The following MPP4 variants were observed in gnomAD, a reference collection of about 807,000 sequenced individuals.
MPP4 encodes the protein MAGUK p55 scaffold protein 4.
Under a neutral mutation model 98.3 loss-of-function variants are expected in MPP4, and 91 were observed. The observed-to-expected ratio is 0.93, with a 90% CI of 0.78 to 1.10. The LOEUF is 1.10. MPP4 is among the 50% of genes least tolerant of loss of function. The pLI, the probability that MPP4 is intolerant of heterozygous loss-of-function variation, is 0.00. For missense variants in MPP4, 744 were observed against 792.9 expected (o/e 0.94, Z 0.74); for synonymous variants, 261 against 271.8 (o/e 0.96, Z 0.39).
At chr2:201,647,588 G>A (rs1300557427) in intron 21 of MPP4, 103 bp downstream of exon 21, 8 of 1,276,532 alleles carry the variant, frequency 6.3e-6, no homozygotes, top group Non-Finnish European at 8.6e-6. Context: ...TCAAAAAGGA[G>A]GAGGAGGACA....
intron 1 of MPP4, among the ~76,000 whole-genome samples, chr2:201,696,386 G>A (rs1374132473): frequency 6.6e-6 from 1 of 152,162 alleles, no homozygotes; most frequent in African/African-American, 2.4e-5. Context: ...AATTGAAAAG[G>A]GAGATGGAGT....
intron 10 of MPP4, among the ~76,000 whole-genome samples, chr2:201,676,933 C>G (rs998111594): frequency 7.2e-5 from 11 of 152,162 alleles, no homozygotes; most frequent in Non-Finnish European, 1.5e-4. Flanking sequence ...AAGGCTTCTT[C>G]CCTTCCTTCT....
chr2:201,662,047 G>A (rs888031493), intron 14 of MPP4: 1 of 385,698 alleles, frequency 2.6e-6, no homozygotes, highest in Non-Finnish European at 5.0e-6. Flanking sequence ...AAATAATTTA[G>A]AAAAGTGGTT....
chr2:201,659,300 A>G (rs954596823), intron 15 of MPP4, among the ~76,000 whole-genome samples: 3 of 152,082 alleles, frequency 2.0e-5, no homozygotes, highest in African/African-American at 2.4e-5. Context: ...TTCATTCTAT[A>G]TAAGATAAGA....
At position 201,648,410 on chromosome 2, in the gene MPP4, G is replaced by A. The variant is rs376399862; in HGVS notation, c.1585-585C>T. Among the ~76,000 whole-genome samples the A allele has an allele frequency of 5.3e-5, 8 of 152,298 alleles. No individual in the cohort carries two copies. In the South Asian group the frequency reaches 6.2e-4, roughly 12 times the overall value. ...GACCAGAAATTAGCAATTATTTTTAGAGTATAGTCTCATGTACCCTCAACT... is the reference window on the plus strand; with the variant it reads ...GACCAGAAATTAGCAATTATTTTTAAAGTATAGTCTCATGTACCCTCAACT... On this transcript the variant is annotated intron_variant, in intron 20 of 21. Transcript: ENST00000409474.
intron 11 of MPP4, among the ~76,000 whole-genome samples, chr2:201,671,543 G>C (rs1261533964): frequency 6.6e-6 from 1 of 152,080 alleles, no homozygotes; most frequent in Non-Finnish European, 1.5e-5. Context: ...TCAAAATAAA[G>C]GGATGGAGGA....
At chr2:201,695,036 C>T (rs1385468577) in intron 1 of MPP4, among the ~76,000 whole-genome samples, 2 of 152,094 alleles carry the variant, frequency 1.3e-5, no homozygotes, top group Non-Finnish European at 2.9e-5. Context: ...AGTAGAAACC[C>T]AGAATAATTT....
At position 201,664,288 on chromosome 2, in the gene MPP4, A is replaced by G. The variant is rs909755624; in HGVS notation, c.1052-187T>C. The G allele has an allele frequency of 7.5e-6, 11 of 1,467,270 alleles. No homozygotes were observed. In the Admixed American group the frequency reaches 2.1e-4, roughly 28 times the overall value. The allele number at this position is 1,467,270 out of a possible 1,614,324, so 90.9% of individuals were successfully genotyped here. On this transcript the variant is annotated intron_variant, in intron 13 of 21. Coordinates refer to ENST00000409474, the MANE Select transcript of MPP4 (RefSeq NM_033066.3). ...CATATATCAGCTTTACATGAAACAC[A>G]TGGTATTCGGCAGTTGAGCCATGAT...
chr2:201,678,193 T>G (rs1688568419), intron 10 of MPP4, among the ~76,000 whole-genome samples: 1 of 152,076 alleles, frequency 6.6e-6, no homozygotes, highest in Admixed American at 6.5e-5. Flanking sequence ...ATAATTGGGT[T>G]TTGTGTGCTC....
chr2:201,677,302 C>CACTGCAAAGTCACGTGA (rs1688532374), intron 10 of MPP4, among the ~76,000 whole-genome samples: 7 of 152,150 alleles, frequency 4.6e-5, no homozygotes, highest in Non-Finnish European at 5.9e-5. Flanking sequence ...GCGAATGGGG[C>CACTGCAAAGTCACGTGA]CTCTCACTGG....
intron 3 of MPP4, among the ~76,000 whole-genome samples, chr2:201,692,523 A>C (rs1689061733): frequency 7.3e-6 from 1 of 136,104 alleles, no homozygotes; most frequent in Non-Finnish European, 1.6e-5. Flanking sequence ...CAGCCTGGGC[A>C]ACAGAGTGAG....
At chr2:201,670,670 T>TA (rs970688692) in intron 11 of MPP4, among the ~76,000 whole-genome samples, 1 of 151,128 alleles carries the variant, frequency 6.6e-6, no homozygotes, top group African/African-American at 2.4e-5. Context: ...AAGTTTGTTT[T>TA]AAAAAAAAAA....
intron 1 of MPP4, among the ~76,000 whole-genome samples, chr2:201,697,710 G>C (rs1177928059): frequency 6.6e-6 from 1 of 152,106 alleles, no homozygotes; most frequent in Admixed American, 6.6e-5. Flanking sequence ...CCCTGGCCTG[G>C]TATCCTGACT....
intron 14 of MPP4, 68 bp downstream of exon 14, chr2:201,664,013 G>T: frequency 8.3e-7 from 1 of 1,203,940 alleles, no homozygotes; most frequent in South Asian, 1.5e-5. Flanking sequence ...ATAAATATGT[G>T]TATAAATTGC....
At chr2:201,667,399 T>C (rs989111702) in intron 12 of MPP4, among the ~76,000 whole-genome samples, 2 of 152,250 alleles carry the variant, frequency 1.3e-5, no homozygotes, top group Admixed American at 1.3e-4. Flanking sequence ...TGTCTGCTAC[T>C]GCACATCTAT....
chr2:201,691,274 T>C (rs369360085), intron 3 of MPP4, among the ~76,000 whole-genome samples: 7 of 152,328 alleles, frequency 4.6e-5, no homozygotes, highest in African/African-American at 1.2e-4. Context: ...GCCACTTTTA[T>C]TGTATAATAT....
chr2:201,663,317 T>C (rs1688076880), intron 14 of MPP4, among the ~76,000 whole-genome samples: 1 of 151,994 alleles, frequency 6.6e-6, no homozygotes, highest in South Asian at 2.1e-4. Context: ...AATGTGACAA[T>C]AAAAAAATGC....
chr2:201,691,586 TG>T (rs1232835417), intron 3 of MPP4, among the ~76,000 whole-genome samples: 2 of 152,188 alleles, frequency 1.3e-5, no homozygotes, highest in Non-Finnish European at 2.9e-5. Context: ...GGCTCAATCT[TG>T]GCTCACTACA....
chr2:201,661,863 A>G (rs552979865), intron 14 of MPP4, among the ~76,000 whole-genome samples: 1 of 152,286 alleles, frequency 6.6e-6, no homozygotes, highest in Non-Finnish European at 1.5e-5. Context: ...CCCGGCCTCA[A>G]CCTCAGCCTT....
Sources: gnomAD v4.1 joint callset for allele counts (sites outside exome capture counted in the v4.1 genomes callset) on GRCh38, gnomAD v4.1.1 for gene constraint, MANE v1.5 for transcripts, NCBI Gene and HGNC (gene_info 2026-07-23, HGNC 2026-07-21) for gene names.